The following FILIP1L variants were observed in gnomAD, a reference collection of about 807,000 sequenced individuals.
The protein encoded by FILIP1L is filamin A interacting protein 1 like.
FILIP1L carries 55 observed loss-of-function variants against 96.6 expected under a neutral mutation model. The observed-to-expected ratio is 0.57, with a 90% CI of 0.46 to 0.71. The LOEUF is 0.71. Among genes scored for constraint, FILIP1L ranks in the 30% least tolerant of loss-of-function variants. FILIP1L has a pLI of 0.00. For missense variants in FILIP1L, 1,304 were observed against 1,321.2 expected, an observed-to-expected ratio of 0.99 and a Z score of 0.20; for synonymous variants, 467 against 473.9, an observed-to-expected ratio of 0.99 and a Z score of 0.19.
At chr3:99,881,038 C>T (rs970406078) in intron 4 of FILIP1L, among the ~76,000 whole-genome samples, 1 of 152,128 alleles carries the variant, frequency 6.6e-6, no homozygotes, top group African/African-American at 2.4e-5. Context: ...TGCCTGTTGG[C>T]CCCCTAACAT....
chr3:99,833,070 G>C (rs1285914037), intron 5 of FILIP1L: 1 of 658,108 alleles, frequency 1.5e-6, no homozygotes, highest in African/African-American at 1.9e-5. Context: ...GTTCTACTCA[G>C]AGTTGGAGGC....
At chr3:99,845,724 G>T (rs1943335000) in intron 5 of FILIP1L, among the ~76,000 whole-genome samples, 1 of 152,148 alleles carries the variant, frequency 6.6e-6, no homozygotes, top group Non-Finnish European at 1.5e-5. Context: ...TAGAAAAAAA[G>T]ATGTTTTGCA....
intron 1 of FILIP1L, among the ~76,000 whole-genome samples, chr3:99,991,106 C>T (rs2107131660): frequency 6.6e-6 from 1 of 152,292 alleles, no homozygotes; most frequent in Admixed American, 6.5e-5. Context: ...CAAAAAAATT[C>T]TTCCCATCTC....
chr3:99,968,138 A>G (rs1708708326), intron 1 of FILIP1L, among the ~76,000 whole-genome samples: 2 of 152,170 alleles, frequency 1.3e-5, no homozygotes, highest in South Asian at 4.1e-4. Flanking sequence ...TTACGTGGCA[A>G]TTTAGGGAAG....
chr3:99,835,500 A>G (rs1000864165), intron 5 of FILIP1L, among the ~76,000 whole-genome samples: 3 of 152,204 alleles, frequency 2.0e-5, no homozygotes, highest in African/African-American at 7.2e-5. Flanking sequence ...AGCACCTACT[A>G]TGAGCACTAT....
At chr3:100,071,349 A>G (rs761851882) in intron 1 of FILIP1L, among the ~76,000 whole-genome samples, 34 of 152,186 alleles carry the variant, frequency 2.2e-4, no homozygotes, top group East Asian at 3.8e-4. Context: ...CTCCTGTTCT[A>G]TGGGGAAGAA....
intron 1 of FILIP1L, among the ~76,000 whole-genome samples, chr3:100,033,513 G>C (rs1176230442): frequency 6.6e-6 from 1 of 152,176 alleles, no homozygotes; most frequent in Admixed American, 6.5e-5. Context: ...CTGTCTTCAA[G>C]ACCAGGATTC....
At chr3:100,035,359 C>T (rs1341658339) in intron 1 of FILIP1L, among the ~76,000 whole-genome samples, 1 of 152,132 alleles carries the variant, frequency 6.6e-6, no homozygotes, top group African/African-American at 2.4e-5. Context: ...CTGCAACCCC[C>T]GCCTCCTGGG....
intron 1 of FILIP1L, among the ~76,000 whole-genome samples, chr3:99,957,912 G>C (rs1275776462): frequency 4.7e-5 from 7 of 149,886 alleles, no homozygotes; most frequent in African/African-American, 1.7e-4. Context: ...ACCTGTGTTT[G>C]GAACCTGTTT....
chr3:99,913,419 A>G (rs1706855181), intron 4 of FILIP1L, among the ~76,000 whole-genome samples: 1 of 152,212 alleles, frequency 6.6e-6, no homozygotes, highest in African/African-American at 2.4e-5. Flanking sequence ...TCTCTCTGTT[A>G]CCAGTGATTA....
intron 1 of FILIP1L, among the ~76,000 whole-genome samples, chr3:100,105,482 C>T (rs2066379323): frequency 6.6e-6 from 1 of 152,168 alleles, no homozygotes; most frequent in South Asian, 2.1e-4. Context: ...TTAACTAATT[C>T]TGGGGCAAAA....
chr3:100,008,054 C>T (rs561541167), intron 1 of FILIP1L, among the ~76,000 whole-genome samples: 1 of 152,310 alleles, frequency 6.6e-6, no homozygotes, highest in Non-Finnish European at 1.5e-5. Context: ...TTTCCCTCCT[C>T]CAAGTTGACA....
intron 1 of FILIP1L, among the ~76,000 whole-genome samples, chr3:99,957,254 G>A (rs973242585): frequency 1.3e-5 from 2 of 152,044 alleles, no homozygotes; most frequent in African/African-American, 4.8e-5. Flanking sequence ...TAACAGCAGC[G>A]AATGAACCAC....
rs1241815152 is a variant in FILIP1L, at chr3:99,850,685, T to C, written c.991A>G (p.Ser331Gly). 6.2e-7 allele frequency: 1 copy of C among 1,613,140 alleles called. No individual in the cohort carries two copies. The highest frequency in any genetic ancestry group is 8.5e-7 in the Non-Finnish European group (1 of 1,179,164). Residue 331 changes from serine (S) to glycine (G), a missense_variant, in exon 5 of 6, where the codon AGC (serine) becomes GGC (glycine). Physicochemically the swap from Ser to Gly is moderately conservative, Grantham distance 56. Coordinates refer to ENST00000477258, the MANE Select transcript of FILIP1L (RefSeq NM_001387850.1). ...TCTTCTAACTCATCAATCTGCCGGC[T>C]GAGTGCTGCCAGCTTTTGTTGAAGC... is the stretch of plus-strand genomic sequence containing the variant. ...RQLQQKLAAL[S>G]RQIDELEETN...
chr3:100,107,536 A>T (rs114262672), intron 1 of FILIP1L, among the ~76,000 whole-genome samples: 2 of 152,242 alleles, frequency 1.3e-5, no homozygotes, highest in South Asian at 4.1e-4. Context: ...TCTGAAACTA[A>T]CCTAACCACT....
At chr3:99,968,307 G>C (rs1321184917) in intron 1 of FILIP1L, among the ~76,000 whole-genome samples, 2 of 152,020 alleles carry the variant, frequency 1.3e-5, no homozygotes, top group Non-Finnish European at 2.9e-5. Flanking sequence ...TCTTATTGTA[G>C]CCTAAATTGT....
chr3:99,957,456 A>G (rs781188119), intron 1 of FILIP1L, among the ~76,000 whole-genome samples: 4 of 152,158 alleles, frequency 2.6e-5, no homozygotes, highest in Non-Finnish European at 5.9e-5. Context: ...ATGTGTGTAT[A>G]TATATATAGA....
At chr3:99,946,766 A>T (rs1321315270) in intron 1 of FILIP1L, among the ~76,000 whole-genome samples, 1 of 152,168 alleles carries the variant, frequency 6.6e-6, no homozygotes, top group Non-Finnish European at 1.5e-5. Flanking sequence ...AGCCTTTAGT[A>T]GGGACTGCTT....
At chr3:99,887,240 C>T (rs965359644) in intron 4 of FILIP1L, among the ~76,000 whole-genome samples, 1 of 151,592 alleles carries the variant, frequency 6.6e-6, no homozygotes, top group African/African-American at 2.4e-5. Flanking sequence ...GCACTCCAGT[C>T]TGGGCAACAA....
Sources: allele counts gnomAD v4.1 joint callset (sites outside exome capture counted in the v4.1 genomes callset), GRCh38; gene constraint gnomAD v4.1.1; transcripts MANE v1.5; gene names NCBI Gene and HGNC (gene_info 2026-07-23, HGNC 2026-07-21).